The following GPC6 variants were observed in gnomAD, a reference collection of about 807,000 sequenced individuals.
GPC6 encodes the protein glypican 6.
A neutral mutation model predicts 55.2 loss-of-function variants in GPC6; 14 were observed. That is an observed-to-expected ratio of 0.25 (90% CI 0.17 to 0.40). The LOEUF is 0.40. Among genes scored for constraint, GPC6 ranks in the 10% least tolerant of loss-of-function variants. The probability of loss-of-function intolerance (pLI) is 1.00; values close to 1 mark genes in which losing one functional copy is unlikely to be tolerated. For missense variants in GPC6, 641 were observed against 708.5 expected (o/e 0.90, Z 1.08); for synonymous variants, 278 against 259.6 (o/e 1.07, Z -0.68).
chr13:94,074,331 C>T (rs1884836606), intron 4 of GPC6, among the ~76,000 whole-genome samples: 1 of 152,164 alleles, frequency 6.6e-6, no homozygotes, highest in Non-Finnish European at 1.5e-5. Flanking sequence ...TTTCAGAAGA[C>T]TATTATGTGC....
At chr13:93,994,357 T>C (rs1397268373) in intron 3 of GPC6, among the ~76,000 whole-genome samples, 2 of 152,170 alleles carry the variant, frequency 1.3e-5, no homozygotes, top group African/African-American at 4.8e-5. Context: ...ATAGTTTTAA[T>C]CTCAACTAAT....
intron 4 of GPC6, among the ~76,000 whole-genome samples, chr13:94,160,532 TG>T (rs1201964570): frequency 1.3e-5 from 2 of 152,360 alleles, no homozygotes; most frequent in South Asian, 2.1e-4. Context: ...TATTAAAGTG[TG>T]GGGCCCTTCC....
chr13:94,228,467 A>G (rs1172399208), intron 4 of GPC6, among the ~76,000 whole-genome samples: 9 of 152,184 alleles, frequency 5.9e-5, no homozygotes, highest in Admixed American at 5.9e-4. Context: ...TCTAGAAATG[A>G]TATTCTAGAA....
At chr13:94,363,808 A>G (rs1317194971) in intron 6 of GPC6, among the ~76,000 whole-genome samples, 1 of 152,258 alleles carries the variant, frequency 6.6e-6, no homozygotes. Flanking sequence ...CATGGCAGCC[A>G]TTAACAATGT....
intron 3 of GPC6, among the ~76,000 whole-genome samples, chr13:93,958,790 A>G (rs1377281265): frequency 2.0e-5 from 3 of 152,122 alleles, no homozygotes; most frequent in Non-Finnish European, 2.9e-5. Flanking sequence ...GGCCATTTTC[A>G]TGATATTGAT....
chr13:93,442,584 C>T (rs1216431439), intron 1 of GPC6, among the ~76,000 whole-genome samples: 1 of 152,176 alleles, frequency 6.6e-6, no homozygotes, highest in Non-Finnish European at 1.5e-5. Flanking sequence ...TATTCTTCCA[C>T]TAGGAGCTTA....
chr13:93,247,531 T>G (rs140351291), intron 1 of GPC6, among the ~76,000 whole-genome samples: 2,371 of 152,306 alleles, frequency 0.016, 24 homozygotes, highest in Non-Finnish European at 0.021. Context: ...TGATATGGTA[T>G]CTTATTCAAT....
At chr13:93,422,253 G>T in intron 1 of GPC6, among the ~76,000 whole-genome samples, 1 of 152,086 alleles carries the variant, frequency 6.6e-6, no homozygotes, top group East Asian at 1.9e-4. Context: ...TATGAAATCA[G>T]CAACAAAATT....
rs73554732 is a variant in GPC6, at chr13:93,453,375, G to A, written c.161-91888G>A. 3.8e-3 allele frequency among the ~76,000 whole-genome samples: 571 copies of A among 152,076 alleles called. 7 individuals are homozygous for A. The highest frequency in any genetic ancestry group is 0.013 in the African/African-American group (549 of 41,498). On this transcript the variant is annotated intron_variant, in intron 1 of 8. Coordinates refer to ENST00000377047, the MANE Select transcript of GPC6 (RefSeq NM_005708.5). ...TGAAATTAGAACATTGAGTGAGATC[G>A]TCAAGAGTCAGGCATTAGACTTTGT...
chr13:93,422,256 A>C (rs191042397), intron 1 of GPC6, among the ~76,000 whole-genome samples: 1 of 152,320 alleles, frequency 6.6e-6, no homozygotes, highest in East Asian at 1.9e-4. Flanking sequence ...GAAATCAGCA[A>C]CAAAATTCAT....
intron 6 of GPC6, among the ~76,000 whole-genome samples, chr13:94,380,538 TTTCTC>T (rs1880111877): frequency 6.6e-6 from 1 of 152,226 alleles, no homozygotes; most frequent in Non-Finnish European, 1.5e-5. Context: ...ACATTTACCT[TTTCTC>T]TTTTTCTTTA....
intron 2 of GPC6, among the ~76,000 whole-genome samples, chr13:93,590,573 ATATT>A (rs565754179): frequency 2.1e-4 from 32 of 152,260 alleles, no homozygotes; most frequent in African/African-American, 7.7e-4. Flanking sequence ...TTAAAATTAT[ATATT>A]TCTTTTCGAT....
chr13:94,152,494 T>C (rs2138898112), intron 4 of GPC6, among the ~76,000 whole-genome samples: 1 of 152,310 alleles, frequency 6.6e-6, no homozygotes, highest in South Asian at 2.1e-4. Context: ...GTATTTTTTA[T>C]GATTTTTTAA....
intron 3 of GPC6, among the ~76,000 whole-genome samples, chr13:93,872,590 G>A (rs1256388155): frequency 1.3e-5 from 2 of 151,894 alleles, no homozygotes; most frequent in Non-Finnish European, 2.9e-5. Context: ...GAGGACATCA[G>A]CAGCCCTTGG....
At chr13:93,989,624 T>C (rs777428471) in intron 3 of GPC6, among the ~76,000 whole-genome samples, 6 of 152,154 alleles carry the variant, frequency 3.9e-5, no homozygotes, top group Non-Finnish European at 8.8e-5. Flanking sequence ...GAGATGAAGA[T>C]ATACGTGCTA....
chr13:94,401,241 T>G (rs1881115814), intron 8 of GPC6, among the ~76,000 whole-genome samples: 1 of 152,176 alleles, frequency 6.6e-6, no homozygotes, highest in African/African-American at 2.4e-5. Context: ...ATGAACAGGA[T>G]TTACCAAATC....
rs371249422 is a variant in GPC6 at position 93,348,133 on chromosome 13, CT to C, written c.160+120519del. ...TCTTGTGAAGGATACAAAAAAGGACCTTGTATTTTGGGCCCAAGAAGGTGAA... is the reference window on the plus strand; with the variant it reads ...TCTTGTGAAGGATACAAAAAAGGACCTGTATTTTGGGCCCAAGAAGGTGAA... On this transcript the variant is annotated intron_variant, in intron 1 of 8. Coordinates refer to ENST00000377047, the MANE Select transcript of GPC6 (RefSeq NM_005708.5). Among the ~76,000 whole-genome samples, 70 of 152,122 alleles carry C rather than the reference CT, an allele frequency of 4.6e-4. No individual in the cohort carries two copies. The East Asian group carries it at 0.013, about 29-fold the overall frequency.
chr13:93,501,851 C>A (rs1330870486), intron 1 of GPC6, among the ~76,000 whole-genome samples: 1 of 152,038 alleles, frequency 6.6e-6, no homozygotes. Flanking sequence ...AATTACTTAA[C>A]CATAGTAGTA....
intron 4 of GPC6, among the ~76,000 whole-genome samples, chr13:94,279,146 C>A (rs1036935389): frequency 1.3e-5 from 2 of 151,928 alleles, no homozygotes; most frequent in African/African-American, 4.8e-5. Context: ...GATTCAACTT[C>A]TTCCTGGTTT....
Sources: gnomAD v4.1 joint callset for allele counts (sites outside exome capture counted in the v4.1 genomes callset) on GRCh38, gnomAD v4.1.1 for gene constraint, MANE v1.5 for transcripts, NCBI Gene and HGNC (gene_info 2026-07-23, HGNC 2026-07-21) for gene names.